The following PSMC3 variants were observed in gnomAD, a reference collection of about 807,000 sequenced individuals.
PSMC3 encodes the protein 26S proteasome regulatory subunit 6A.
In PSMC3, 11 loss-of-function variants were observed where a neutral mutation model predicts 52.0. The observed-to-expected ratio is 0.21, with a 90% confidence interval of 0.13 to 0.35. PSMC3 has a LOEUF of 0.35. Among genes scored for constraint, PSMC3 ranks in the 10% least tolerant of loss-of-function variants. The pLI is 1.00. For missense variants in PSMC3, 238 were observed against 567.1 expected, an observed-to-expected ratio of 0.42 and a Z score of 5.89; for synonymous variants, 201 against 218.8, an observed-to-expected ratio of 0.92 and a Z score of 0.72.
chr11:47,426,071 C>T (rs1032662399), intron 1 of PSMC3, 121 bp from the exon 2 acceptor site: 10 of 1,394,180 alleles, frequency 7.2e-6, no homozygotes, highest in Non-Finnish European at 9.9e-6. Flanking sequence ...GAGTCAGGAC[C>T]CCTGCCCACA....
At chr11:47,420,213 A>ATCC in intron 10 of PSMC3, 51 bp downstream of exon 10, 1 of 1,597,280 alleles carries the variant, frequency 6.3e-7, no homozygotes, top group Admixed American at 1.7e-5. Flanking sequence ...TGGCAGAGAC[A>ATCC]TCCTCCTGCG....
chr11:47,426,316 G>C lies in PSMC3; in HGVS notation c.-37C>G. 1 of 1,509,878 alleles carries C rather than the reference G, an allele frequency of 6.6e-7. No homozygotes were observed. The highest frequency in any genetic ancestry group is 9.0e-7 in the Non-Finnish European group (1 of 1,114,088). The allele number at this position is 1,509,878 out of a possible 1,614,324, so 93.5% of individuals were successfully genotyped here. ...GCGGGCAGAAGATGGGACCAGGCGG[G>C]AGCCGCAACGGGAGATTAATACCGT... is the stretch of plus-strand genomic sequence containing the variant. On this transcript the variant is annotated 5_prime_UTR_variant, in exon 1 of 12. Coordinates refer to ENST00000298852, the MANE Select transcript of PSMC3 (RefSeq NM_002804.5).
In PSMC3 at chr11:47,420,244, C is replaced by G. The variant is rs1183054961; in HGVS notation, c.1127+20G>C. The G allele has an allele frequency of 1.2e-6, 2 of 1,613,556 alleles. No individual in the cohort carries two copies. Among genetic ancestry groups the G allele is most frequent in the Admixed American group, 1.7e-5 (1 of 60,012 alleles). On this transcript the variant is annotated intron_variant, in intron 10 of 11. Transcript: ENST00000298852. ...CTGCGCCTGTTCAGGTCTCTGTGCC[C>G]TGCCCGTGCTCCTGCTCACCTGACA...
At position 47,420,252 on chromosome 11, in the gene PSMC3, G is replaced by C. The variant is rs1172800469; in HGVS notation, c.1127+12C>G. 6.2e-7 allele frequency: 1 copy of C among 1,613,758 alleles called. No homozygotes were observed. The highest frequency in any genetic ancestry group is 1.3e-5 in the African/African-American group (1 of 74,932). ...GTTCAGGTCTCTGTGCCCTGCCCGT[G>C]CTCCTGCTCACCTGACATTCATCTT... On this transcript the variant is annotated intron_variant, in intron 10 of 11. Coordinates refer to ENST00000298852, the MANE Select transcript of PSMC3 (RefSeq NM_002804.5).
In PSMC3 at chr11:47,422,911, T is replaced by A. The variant is rs34037785; in HGVS notation, c.654A>T (p.Gln218His). 6.2e-7 allele frequency: 1 copy of A among 1,613,708 alleles called. No individual in the cohort carries two copies. The highest frequency in any genetic ancestry group is 1.1e-5 in the South Asian group (1 of 91,030). The change falls in exon 7 of 12, where the codon CAA (glutamine) becomes CAT (histidine). Residue 218 changes from glutamine (Q) to histidine (H), a missense_variant. By Grantham distance (24) the Gln-to-His change is conservative. This residue lies in a region of PSMC3 where 60 missense variants were observed against 117.3 expected (regional missense o/e 0.51). Transcript: ENST00000298852. The surrounding 1 kb of genome is among the most constrained non-coding windows in gnomAD (Gnocchi z 4.3). ...HKEKFENLGI[Q>H]PPKGVLMYGP... ...CATACATCAGCACCCCTTTTGGAGG[T>A]TGGATCCCCAAGTTCTCAAACTTCT...
chr11:47,419,259 T>C (rs1299938253), intron 10 of PSMC3, 62 bp from the exon 11 acceptor site: 1 of 1,552,852 alleles, frequency 6.4e-7, no homozygotes, highest in Non-Finnish European at 8.9e-7. Flanking sequence ...AGGGGCCAAA[T>C]ATCCTCCCCT....
intron 10 of PSMC3, among the ~76,000 whole-genome samples, chr11:47,419,797 T>G (rs1240701817): frequency 6.6e-6 from 1 of 151,456 alleles, no homozygotes; most frequent in Admixed American, 6.6e-5. Context: ...AGGCGGAGCT[T>G]GCAGTGAGCC....
rs2096044681 is a variant in PSMC3 at position 47,424,939 on chromosome 11, G to A, written c.285+182C>T. 6.6e-6 allele frequency among the ~76,000 whole-genome samples: 1 copy of A among 152,124 alleles called. No individual in the cohort carries two copies. The highest frequency in any genetic ancestry group is 1.5e-5 in the Non-Finnish European group (1 of 68,016). The stretch of plus-strand genomic sequence containing the variant: ...AGGAGACATAACCAACAGAAAAGGA[G>A]ACACGTGAGACCTCCCAGGACTTTG... On this transcript the variant is annotated intron_variant, in intron 3 of 11. Coordinates refer to ENST00000298852, the MANE Select transcript of PSMC3 (RefSeq NM_002804.5). This position sits in a 1 kb window ranked among gnomAD's most constrained non-coding sequence, Gnocchi z 4.8.
Position 47,424,353 on chromosome 11 carries a change from C to A in PSMC3, c.453+76G>T, listed in dbSNP as rs968465027. 4 of 1,573,400 alleles carry A rather than the reference C, an allele frequency of 2.5e-6. No individual in the cohort carries two copies. The African/African-American group carries it at 5.4e-5, about 21-fold the overall frequency. ...GAGCTGTTCTGCCAAGATTCAGAGCCAACAGTGACCTGGGGCGGGTACAGG... is the reference window on the plus strand; with the variant it reads ...GAGCTGTTCTGCCAAGATTCAGAGCAAACAGTGACCTGGGGCGGGTACAGG... On this transcript the variant is annotated intron_variant, in intron 5 of 11. Transcript: ENST00000298852. The surrounding 1 kb of genome is among the most constrained non-coding windows in gnomAD (Gnocchi z 4.8).
At position 47,424,327 on chromosome 11, in the gene PSMC3, G is replaced by A. The variant is rs191091151; in HGVS notation, c.453+102C>T. ...CAAGTAGACAGAATCCCAGACTCTC[G>A]GAGCTGTTCTGCCAAGATTCAGAGC... On this transcript the variant is annotated intron_variant, in intron 5 of 11. Coordinates refer to ENST00000298852, the MANE Select transcript of PSMC3 (RefSeq NM_002804.5). The surrounding 1 kb of genome is among the most constrained non-coding windows in gnomAD (Gnocchi z 4.8). 7,306 of 1,555,920 alleles carry A rather than the reference G, an allele frequency of 4.7e-3. 39 individuals are homozygous for A. The highest frequency in any genetic ancestry group is 5.1e-3 in the Non-Finnish European group (5,733 of 1,128,792).
In PSMC3 at chr11:47,419,805, G is replaced by A. The variant is rs3781628; in HGVS notation, c.1127+459C>T. ...ACCCAGGAGGCGGAGCTTGCAGTGA[G>A]CCGAGATCGCGCCACTGTACTCCAG... is the stretch of plus-strand genomic sequence containing the variant. On this transcript the variant is annotated intron_variant, in intron 10 of 11. Transcript: ENST00000298852. Among the ~76,000 whole-genome samples the A allele has an allele frequency of 3.3e-5, 5 of 151,396 alleles. No homozygotes were observed. The South Asian group carries it at 1.0e-3, about 32-fold the overall frequency.
rs760136678 is a variant in PSMC3 at position 47,424,789 on chromosome 11, G to C, written c.286-78C>G. The C allele has an allele frequency of 2.0e-5, 26 of 1,298,742 alleles. No individual in the cohort carries two copies. The highest frequency in any genetic ancestry group is 2.7e-5 in the Non-Finnish European group (24 of 898,972). The allele number at this position is 1,298,742 out of a possible 1,614,324, so 80.5% of individuals were successfully genotyped here. A position where few individuals can be genotyped will look rare whatever the true frequency, so the allele number is the denominator to read the frequency against. ...CTAAGACAGTTCCTAATACCTGCAG[G>C]GCTGGCCATCCTTACCTCCCTCCTC... On this transcript the variant is annotated intron_variant, in intron 3 of 11. Coordinates refer to ENST00000298852, the MANE Select transcript of PSMC3 (RefSeq NM_002804.5). This position sits in a 1 kb window ranked among gnomAD's most constrained non-coding sequence, Gnocchi z 4.8.
At chr11:47,423,200 C>T (rs2096042732) in intron 6 of PSMC3, among the ~76,000 whole-genome samples, 1 of 151,386 alleles carries the variant, frequency 6.6e-6, no homozygotes, top group African/African-American at 2.4e-5. Flanking sequence ...GAGATCGAGA[C>T]CATCCTGGCT....
Position 47,422,923 on chromosome 11 carries a change from G to A in PSMC3, c.642C>T (p.Asn214=), listed in dbSNP as rs781537903. ...CCCCTTTTGGAGGTTGGATCCCCAA[G>A]TTCTCAAACTTCTCCTTGTGGTTCA... ...LPMNHKEKFE[N]LGIQPPKGVL... Residue 214 remains asparagine (N), a synonymous_variant, in exon 7 of 12, where the codon AAC becomes AAT. Transcript: ENST00000298852. This position sits in a 1 kb window ranked among gnomAD's most constrained non-coding sequence, Gnocchi z 4.3. 1.2e-6 allele frequency: 2 copies of A among 1,613,890 alleles called. No homozygotes were observed. The highest frequency in any genetic ancestry group is 1.7e-6 in the Non-Finnish European group (2 of 1,179,916).
chr11:47,425,835 C>T, intron 2 of PSMC3, 32 bp downstream of exon 2: 1 of 1,595,742 alleles, frequency 6.3e-7, no homozygotes, highest in South Asian at 1.1e-5. Flanking sequence ...CCTGTGGGGG[C>T]TCCATCGCCC....
At position 47,424,847 on chromosome 11, in the gene PSMC3, C is replaced by T; in HGVS notation, c.286-136G>A. 1 of 868,900 alleles carries T rather than the reference C, an allele frequency of 1.2e-6. No homozygotes were observed. Among genetic ancestry groups the T allele is most frequent in the Non-Finnish European group, 1.8e-6 (1 of 547,112 alleles). The allele number at this position is 868,900 out of a possible 1,614,324, so 53.8% of individuals were successfully genotyped here. A position where few individuals can be genotyped will look rare whatever the true frequency, so the allele number is the denominator to read the frequency against. On this transcript the variant is annotated intron_variant, in intron 3 of 11. Coordinates refer to ENST00000298852, the MANE Select transcript of PSMC3 (RefSeq NM_002804.5). The surrounding 1 kb of genome is among the most constrained non-coding windows in gnomAD (Gnocchi z 4.8). ...CCTGAGCCCACCAAACGTGGGTGCC[C>T]CTGCTAAGCCCAGGGATTGATCTCT...
Position 47,426,424 on chromosome 11 carries a change from G to A in PSMC3, c.-145C>T. Reference sequence around the variant, plus strand: ...TGACCCGACCAGCTCCGGCCGTGCTGCGGAGCAGCGAATCTGCCTCTCCGA... The same window carrying A: ...TGACCCGACCAGCTCCGGCCGTGCTACGGAGCAGCGAATCTGCCTCTCCGA... On this transcript the variant is annotated 5_prime_UTR_variant, in exon 1 of 12. Transcript: ENST00000298852. 1.5e-6 allele frequency: 1 copy of A among 654,598 alleles called. No homozygotes were observed. The highest frequency in any genetic ancestry group is 2.4e-6 in the Non-Finnish European group (1 of 418,248). The allele number at this position is 654,598 out of a possible 1,614,324, so 40.5% of individuals were successfully genotyped here.
At chr11:47,419,301 T>G (rs978712341) in intron 10 of PSMC3, 104 bp from the exon 11 acceptor site, 9 of 1,240,110 alleles carry the variant, frequency 7.3e-6, no homozygotes, top group African/African-American at 2.9e-5. Context: ...CAAGTTGCCC[T>G]GTGATCAGAG....
chr11:47,424,768 G>A lies in PSMC3; in HGVS notation c.286-57C>T. On this transcript the variant is annotated intron_variant, in intron 3 of 11. Coordinates refer to ENST00000298852, the MANE Select transcript of PSMC3 (RefSeq NM_002804.5). The surrounding 1 kb of genome is among the most constrained non-coding windows in gnomAD (Gnocchi z 4.8). Reference sequence around the variant, plus strand: ...CTCCCCAAGGCCCAGTGCTTCCTAAGACAGTTCCTAATACCTGCAGGGCTG... The same window carrying A: ...CTCCCCAAGGCCCAGTGCTTCCTAAAACAGTTCCTAATACCTGCAGGGCTG... The A allele has an allele frequency of 7.0e-7, 1 of 1,431,148 alleles. No individual in the cohort carries two copies. Among genetic ancestry groups the A allele is most frequent in the Non-Finnish European group, 9.9e-7 (1 of 1,014,296 alleles). 88.7% of individuals were successfully genotyped at this position (1,431,148 alleles called of 1,614,324 possible).
Sources: gnomAD v4.1 joint callset for allele counts (sites outside exome capture counted in the v4.1 genomes callset) on GRCh38, gnomAD v4.1.1 for gene constraint, gnomAD v4.1.1 regional missense constraint, Gnocchi (gnomAD v3.1) non-coding constraint, MANE v1.5 for transcripts, NCBI Gene and HGNC (gene_info 2026-07-23, HGNC 2026-07-21) for gene names.